Variants in GPC6 observed in about 807,000 individuals in gnomAD.
GPC6 encodes glypican 6.
GPC6 carries 14 observed loss-of-function variants against 55.2 expected under a neutral mutation model. That is an observed-to-expected ratio of 0.25 (90% confidence interval 0.17 to 0.40). GPC6 has a LOEUF of 0.40. Among genes scored for constraint, GPC6 ranks in the 10% least tolerant of loss-of-function variants. The probability of loss-of-function intolerance (pLI) is 1.00; values close to 1 mark genes in which losing one functional copy is unlikely to be tolerated. For missense variants in GPC6, 641 were observed against 708.5 expected (o/e 0.90, Z 1.08); for synonymous variants, 278 against 259.6 (o/e 1.07, Z -0.68).
chr13:94,331,943 C>T (rs897032598), intron 6 of GPC6, among the ~76,000 whole-genome samples: 30 of 151,894 alleles, frequency 2.0e-4, no homozygotes, highest in Non-Finnish European at 2.5e-4. Context: ...TTTTTCTTCT[C>T]GTCAATAAGC....
At chr13:93,325,423 A>C (rs1879620149) in intron 1 of GPC6, among the ~76,000 whole-genome samples, 1 of 152,190 alleles carries the variant, frequency 6.6e-6, no homozygotes. Context: ...TTAGGAATTC[A>C]GATGGTAGCA....
At chr13:93,984,394 C>T (rs1880935050) in intron 3 of GPC6, among the ~76,000 whole-genome samples, 1 of 152,032 alleles carries the variant, frequency 6.6e-6, no homozygotes, top group South Asian at 2.1e-4. Flanking sequence ...AACAGTAATG[C>T]AGAATGAATG....
At chr13:93,451,762 T>C (rs56228951) in intron 1 of GPC6, among the ~76,000 whole-genome samples, 32,798 of 152,158 alleles carry the variant, frequency 0.22, 3,661 homozygotes, top group Middle Eastern at 0.29. Context: ...AAAAATTCAA[T>C]AGCATTCTAG....
chr13:93,600,228 C>T (rs2139522742), intron 2 of GPC6, among the ~76,000 whole-genome samples: 1 of 152,280 alleles, frequency 6.6e-6, no homozygotes, highest in African/African-American at 2.4e-5. Context: ...AGTTACTAAG[C>T]ATCAAGGATC....
At chr13:93,742,050 G>A (rs957258701) in intron 2 of GPC6, among the ~76,000 whole-genome samples, 1 of 152,132 alleles carries the variant, frequency 6.6e-6, no homozygotes, top group Non-Finnish European at 1.5e-5. Flanking sequence ...CCTGTGTCAG[G>A]ATTAATTCAC....
chr13:93,675,115 G>T (rs879658360), intron 2 of GPC6, among the ~76,000 whole-genome samples: 3 of 152,120 alleles, frequency 2.0e-5, no homozygotes, highest in Non-Finnish European at 4.4e-5. Flanking sequence ...GTCAAGTACA[G>T]CTTTGAACAA....
intron 2 of GPC6, among the ~76,000 whole-genome samples, chr13:93,825,714 A>G (rs1051635554): frequency 6.6e-6 from 1 of 152,090 alleles, no homozygotes. Flanking sequence ...AAGCTGACAC[A>G]TGTGTGTGGA....
At chr13:93,574,463 G>GC (rs1384522276) in intron 2 of GPC6, among the ~76,000 whole-genome samples, 3 of 152,034 alleles carry the variant, frequency 2.0e-5, no homozygotes, top group Non-Finnish European at 1.5e-5. Context: ...AGGGAGTATG[G>GC]CCCTGCTTAC....
chr13:93,246,781 G>C (rs2139022667), intron 1 of GPC6, among the ~76,000 whole-genome samples: 1 of 80,706 alleles, frequency 1.2e-5, no homozygotes, highest in East Asian at 4.1e-4. Flanking sequence ...GGCAGAGCAA[G>C]ACTGTCTCAA....
At position 93,615,556 on chromosome 13, in the gene GPC6, A is replaced by T. The variant is rs1878678916; in HGVS notation, c.319+70135A>T. The stretch of plus-strand genomic sequence containing the variant: ...GGGCTATTTGGGCAGCAGCCACACA[A>T]ACGCTTTCACATAGATCACGCATCA... On this transcript the variant is annotated intron_variant, in intron 2 of 8. Transcript: ENST00000377047. 2.0e-5 allele frequency among the ~76,000 whole-genome samples: 3 copies of T among 152,146 alleles called. 1 individual carries two copies. The South Asian group carries it at 6.2e-4, about 32-fold the overall frequency.
chr13:93,231,393 A>ATATC (rs1566533578), intron 1 of GPC6, among the ~76,000 whole-genome samples: 1 of 24,878 alleles, frequency 4.0e-5, no homozygotes. Flanking sequence ...ATATATATAT[A>ATATC]TATGTATATA....
chr13:94,242,947 TAA>T (rs563351952), intron 4 of GPC6, among the ~76,000 whole-genome samples: 28 of 139,104 alleles, frequency 2.0e-4, no homozygotes, highest in Non-Finnish European at 2.7e-4. Context: ...TAACTAAATC[TAA>T]AAAAAAAAAA....
chr13:93,317,380 C>T (rs1177212394), intron 1 of GPC6, among the ~76,000 whole-genome samples: 3 of 152,060 alleles, frequency 2.0e-5, no homozygotes, highest in African/African-American at 7.2e-5. Context: ...GAAAGCTCTG[C>T]TTGTATTAGT....
chr13:94,066,913 T>C (rs1248790697), intron 4 of GPC6, among the ~76,000 whole-genome samples: 4 of 152,246 alleles, frequency 2.6e-5, no homozygotes, highest in African/African-American at 4.8e-5. Context: ...TCAGTTCCAC[T>C]TGGCAACCTT....
rs144089776 is a variant in GPC6, at chr13:94,210,346, G to A, written c.878-76003G>A. On this transcript the variant is annotated intron_variant, in intron 4 of 8. Transcript: ENST00000377047. ...TAATTTTTGTATTTTTAGTAGAGAC[G>A]GGGTTTCACTATGTTAGCCAGGCTG... 9.9e-3 allele frequency among the ~76,000 whole-genome samples: 1,498 copies of A among 150,900 alleles called. 12 individuals are homozygous for A. The highest frequency in any genetic ancestry group is 0.021 in the Middle Eastern group (6 of 282).
intron 3 of GPC6, among the ~76,000 whole-genome samples, chr13:93,893,399 T>G (rs963932202): frequency 6.6e-6 from 1 of 152,122 alleles, no homozygotes; most frequent in African/African-American, 2.4e-5. Flanking sequence ...AAAAGTAGCC[T>G]GATTTAATTT....
At chr13:93,523,397 ATCC>A (rs1242137299) in intron 1 of GPC6, among the ~76,000 whole-genome samples, 1 of 151,356 alleles carries the variant, frequency 6.6e-6, no homozygotes, top group African/African-American at 2.4e-5. Context: ...GTATATATAT[ATCC>A]TCTTTTAAAT....
intron 2 of GPC6, among the ~76,000 whole-genome samples, chr13:93,655,530 C>A (rs929231477): frequency 6.6e-6 from 1 of 152,102 alleles, no homozygotes; most frequent in African/African-American, 2.4e-5. Context: ...GTTACAAACA[C>A]ACCAAAATAT....
At chr13:93,580,762 T>G (rs1439635955) in intron 2 of GPC6, among the ~76,000 whole-genome samples, 1 of 152,176 alleles carries the variant, frequency 6.6e-6, no homozygotes, top group African/African-American at 2.4e-5. Context: ...TCCTTTATAA[T>G]TAAATGTAAA....
Sources: allele counts gnomAD v4.1 joint callset (sites outside exome capture counted in the v4.1 genomes callset), GRCh38; gene constraint gnomAD v4.1.1; transcripts MANE v1.5; gene names NCBI Gene and HGNC (gene_info 2026-07-23, HGNC 2026-07-21).